Variants in MTHFD2L observed in about 807,000 individuals in gnomAD.
MTHFD2L encodes the protein bifunctional methylenetetrahydrofolate dehydrogenase/cyclohydrolase 2, mitochondrial.
MTHFD2L carries 29 observed loss-of-function variants against 34.9 expected under a neutral mutation model. The ratio of observed to expected loss-of-function variants is 0.83; its 90% CI spans 0.62 to 1.13. The LOEUF (loss-of-function observed/expected upper bound fraction) is 1.13. Among genes scored for constraint, MTHFD2L ranks in the 50% most tolerant of loss-of-function variants. The pLI, the probability that MTHFD2L is intolerant of heterozygous loss-of-function variation, is 0.00. For synonymous variants in MTHFD2L, 167 were observed against 155.7 expected, an observed-to-expected ratio of 1.07 and a Z score of -0.54; for missense variants, 481 against 446.5, an observed-to-expected ratio of 1.08 and a Z score of -0.70.
At chr4:74,186,215 G>A (rs1731209689) in intron 3 of MTHFD2L, among the ~76,000 whole-genome samples, 1 of 151,788 alleles carries the variant, frequency 6.6e-6, no homozygotes, top group Non-Finnish European at 1.5e-5. Context: ...ACTAATAATA[G>A]AAGAGAACTC....
intron 3 of MTHFD2L, among the ~76,000 whole-genome samples, chr4:74,192,965 G>C (rs1037568050): frequency 6.6e-6 from 1 of 151,310 alleles, no homozygotes; most frequent in Admixed American, 6.6e-5. Context: ...TTTAATTGGT[G>C]GTATTTTTAT....
chr4:74,261,809 C>G (rs1744711660), intron 6 of MTHFD2L, among the ~76,000 whole-genome samples: 1 of 151,978 alleles, frequency 6.6e-6, no homozygotes, highest in Non-Finnish European at 1.5e-5. Context: ...TGTGAGCTTG[C>G]TACCTAAGTT....
At chr4:74,160,267 A>G (rs1437031678) in intron 1 of MTHFD2L, 2 of 378,118 alleles carry the variant, frequency 5.3e-6, no homozygotes, top group Non-Finnish European at 9.9e-6. Context: ...TGAGTTTGAT[A>G]AACTCTTATC....
intron 1 of MTHFD2L, among the ~76,000 whole-genome samples, chr4:74,163,419 C>G (rs1435542408): frequency 1.3e-5 from 2 of 152,146 alleles, no homozygotes; most frequent in Non-Finnish European, 2.9e-5. Flanking sequence ...ATCTAAGGTT[C>G]TTTCTGACAA....
intron 7 of MTHFD2L, among the ~76,000 whole-genome samples, chr4:74,281,925 C>T (rs1747537592): frequency 6.6e-6 from 1 of 152,074 alleles, no homozygotes. Flanking sequence ...ATGCTCTATG[C>T]TCAGCCATTC....
At chr4:74,295,247 A>C (rs1218249314) in intron 7 of MTHFD2L, among the ~76,000 whole-genome samples, 1 of 151,694 alleles carries the variant, frequency 6.6e-6, no homozygotes, top group Non-Finnish European at 1.5e-5. Flanking sequence ...TAATGAAGTC[A>C]TTTCACCTCC....
chr4:74,225,510 C>T (rs1656484021), intron 6 of MTHFD2L, 116 bp downstream of exon 6: 1 of 734,856 alleles, frequency 1.4e-6, no homozygotes, highest in African/African-American at 1.8e-5. Context: ...TGACTAACTT[C>T]TGTTGATTGG....
At chr4:74,257,595 T>C (rs1457551973) in intron 6 of MTHFD2L, among the ~76,000 whole-genome samples, 1 of 152,158 alleles carries the variant, frequency 6.6e-6, no homozygotes, top group Non-Finnish European at 1.5e-5. Context: ...TATCAAACTT[T>C]AGCAAACCTA....
chr4:74,241,649 A>C (rs1371498074), intron 6 of MTHFD2L: 2 of 427,578 alleles, frequency 4.7e-6, no homozygotes. Flanking sequence ...AAGTGCTGAG[A>C]TTACAGGCAT....
chr4:74,291,285 G>A (rs936893284), intron 7 of MTHFD2L, among the ~76,000 whole-genome samples: 1 of 151,764 alleles, frequency 6.6e-6, no homozygotes, highest in Admixed American at 6.6e-5. Context: ...AAAGTGCTGG[G>A]ATTACAGGCA....
In MTHFD2L at chr4:74,174,589, C is replaced by T. The variant is rs755000644; in HGVS notation, c.227C>T (p.Ser76Phe). 1.2e-6 allele frequency: 2 copies of T among 1,607,432 alleles called. No individual in the cohort carries two copies. Among genetic ancestry groups the T allele is most frequent in the African/African-American group, 2.7e-5 (2 of 74,356 alleles). Residue 76 changes from serine (S) to phenylalanine (F), a missense_variant, in exon 2 of 8, where the codon TCC becomes TTC. Ser to Phe is a radical substitution (Grantham distance 155, BLOSUM62 -2). Transcript: ENST00000325278. ...EIQRGVESWV[S>F]LGNRRPHLSI... ...CAGCGAGGTGTGGAATCATGGGTTTCCCTTGGAAACAGAAGACCTCACCTC... is the reference window on the plus strand; with the variant it reads ...CAGCGAGGTGTGGAATCATGGGTTTTCCTTGGAAACAGAAGACCTCACCTC...
intron 7 of MTHFD2L, among the ~76,000 whole-genome samples, chr4:74,282,203 T>C (rs140616290): frequency 1.3e-5 from 2 of 152,268 alleles, no homozygotes; most frequent in African/African-American, 4.8e-5. Flanking sequence ...CCCTCTAATC[T>C]GATTTTACTT....
Position 74,268,479 on chromosome 4 carries a change from C to T in MTHFD2L, c.806-12946C>T, listed in dbSNP as rs796908344. ...GTGAAACCAAGAAATCATTTAGCCTCTCAGCACCTCAAAATCTTTCTTCTG... is the reference window on the plus strand; with the variant it reads ...GTGAAACCAAGAAATCATTTAGCCTTTCAGCACCTCAAAATCTTTCTTCTG... On this transcript the variant is annotated intron_variant, in intron 6 of 7. Transcript: ENST00000325278. 1.1e-4 allele frequency among the ~76,000 whole-genome samples: 17 copies of T among 152,148 alleles called. 1 individual carries two copies. The highest frequency in any genetic ancestry group is 3.6e-4 in the African/African-American group (15 of 41,510).
chr4:74,295,249 T>C (rs1197680463), intron 7 of MTHFD2L, among the ~76,000 whole-genome samples: 1 of 152,014 alleles, frequency 6.6e-6, no homozygotes, highest in African/African-American at 2.4e-5. Flanking sequence ...ATGAAGTCAT[T>C]TCACCTCCTC....
chr4:74,120,343 G>C (rs1259549586), upstream of MTHFD2L, among the ~76,000 whole-genome samples: 10 of 152,206 alleles, frequency 6.6e-5, no homozygotes. Context: ...AGGCAACAAT[G>C]CTTACTTTTG....
At chr4:74,254,496 T>C (rs1033717259) in intron 6 of MTHFD2L, among the ~76,000 whole-genome samples, 1 of 146,636 alleles carries the variant, frequency 6.8e-6, no homozygotes, top group Non-Finnish European at 1.5e-5. Flanking sequence ...AAGTGCTAAA[T>C]AAAAACAAAC....
chr4:74,299,589 A>G (rs1750041921), intron 7 of MTHFD2L, among the ~76,000 whole-genome samples: 1 of 151,992 alleles, frequency 6.6e-6, no homozygotes, highest in Non-Finnish European at 1.5e-5. Context: ...GAGTAGCTCA[A>G]GTTTTTCAGT....
At chr4:74,273,821 G>A (rs902009242) in intron 6 of MTHFD2L, among the ~76,000 whole-genome samples, 2 of 152,122 alleles carry the variant, frequency 1.3e-5, no homozygotes, top group African/African-American at 4.8e-5. Context: ...ATGGCCTGAT[G>A]GCTGGGCCTT....
chr4:74,184,529 G>A (rs1452405240), intron 3 of MTHFD2L, among the ~76,000 whole-genome samples: 1 of 151,924 alleles, frequency 6.6e-6, no homozygotes, highest in African/African-American at 2.4e-5. Context: ...TGAACCAAAA[G>A]CTAATATAAT....
Sources: gnomAD v4.1 joint callset for allele counts (sites outside exome capture counted in the v4.1 genomes callset) on GRCh38, gnomAD v4.1.1 for gene constraint, MANE v1.5 for transcripts, NCBI Gene and HGNC (gene_info 2026-07-23, HGNC 2026-07-21) for gene names.